The following ADCY1 variants were observed in gnomAD, a reference collection of about 807,000 sequenced individuals.
ADCY1 encodes the protein adenylate cyclase 1.
ADCY1 carries 28 observed loss-of-function variants against 105.4 expected under a neutral mutation model. The observed-to-expected ratio is 0.27, with a 90% CI of 0.20 to 0.36. The LOEUF (loss-of-function observed/expected upper bound fraction) is 0.36, where lower values mean the gene tolerates loss of function less well. Ranked by LOEUF, ADCY1 falls within the 10% of genes least tolerant of loss-of-function variation. The pLI is 1.00. For missense variants in ADCY1, 977 were observed against 1,434.2 expected, an observed-to-expected ratio of 0.68 and a Z score of 5.15; for synonymous variants, 655 against 623.8, an observed-to-expected ratio of 1.05 and a Z score of -0.75.
chr7:45,688,307 T>C (rs577922675), intron 14 of ADCY1, among the ~76,000 whole-genome samples: 66 of 152,322 alleles, frequency 4.3e-4, no homozygotes, highest in Non-Finnish European at 8.2e-4. Context: ...CTATTCCTGA[T>C]GTCGTTGGCC....
At chr7:45,689,633 A>G (rs1483082345) in intron 14 of ADCY1, among the ~76,000 whole-genome samples, 2 of 152,164 alleles carry the variant, frequency 1.3e-5, no homozygotes, top group Non-Finnish European at 2.9e-5. Context: ...CCCATCTCCA[A>G]CACTAGGATT....
chr7:45,689,405 G>A (rs1784745664), intron 14 of ADCY1, among the ~76,000 whole-genome samples: 1 of 152,126 alleles, frequency 6.6e-6, no homozygotes, highest in Admixed American at 6.5e-5. Context: ...ACCAGCATCT[G>A]CTTGGCTTCT....
intron 4 of ADCY1, among the ~76,000 whole-genome samples, chr7:45,637,170 A>G (rs1043693833): frequency 2.0e-5 from 3 of 152,322 alleles, no homozygotes; most frequent in African/African-American, 7.2e-5. Context: ...CTACCATCAC[A>G]TGATTTATTA....
chr7:45,577,136 G>C (rs1465237288), intron 1 of ADCY1, among the ~76,000 whole-genome samples: 1 of 152,116 alleles, frequency 6.6e-6, no homozygotes, highest in Non-Finnish European at 1.5e-5. Context: ...GCAGACATCT[G>C]GGTTTCCCTG....
intron 1 of ADCY1, among the ~76,000 whole-genome samples, chr7:45,576,836 A>C (rs984653743): frequency 4.6e-5 from 7 of 152,046 alleles, no homozygotes; most frequent in Non-Finnish European, 7.4e-5. Flanking sequence ...GTCCCTGGGC[A>C]GGCCCAGGGA....
At chr7:45,583,672 C>T (rs939087412) in intron 1 of ADCY1, among the ~76,000 whole-genome samples, 1 of 152,002 alleles carries the variant, frequency 6.6e-6, no homozygotes. Flanking sequence ...TGGAGTTTCG[C>T]TCTTGTTGCC....
chr7:45,710,030 C>T lies in ADCY1; in HGVS notation c.2933-498C>T, dbSNP rs1255613375. On this transcript the variant is annotated intron_variant, in intron 18 of 19. Transcript: ENST00000297323. The surrounding 1 kb of genome is among the most constrained non-coding windows in gnomAD (Gnocchi z 4.7). ...CTCCCTCTCCTCCCTTCAGAGCATT[C>T]TGCACCATCTTGCTTAGTTATGGGG... Among the ~76,000 whole-genome samples, 2 of 152,232 alleles carry T rather than the reference C, an allele frequency of 1.3e-5. No individual in the cohort carries two copies. The highest frequency in any genetic ancestry group is 2.9e-5 in the Non-Finnish European group (2 of 68,030).
chr7:45,709,521 T>G (rs1785184805), intron 18 of ADCY1, among the ~76,000 whole-genome samples: 1 of 152,134 alleles, frequency 6.6e-6, no homozygotes, highest in African/African-American at 2.4e-5. Context: ...ATCTGGGAAG[T>G]GGTCCTTTGG....
Position 45,717,782 on chromosome 7 carries a change from A to G in ADCY1, c.*3787A>G, listed in dbSNP as rs1268565272. On this transcript the variant is annotated 3_prime_UTR_variant, in exon 20 of 20. Transcript: ENST00000297323. Reference sequence around the variant, plus strand: ...CTGCGGGGTGTCTGTATCCTGCAGGAGGACGCCCCTACAGACCCAGCAACC... The same window carrying G: ...CTGCGGGGTGTCTGTATCCTGCAGGGGGACGCCCCTACAGACCCAGCAACC... The G allele has an allele frequency of 1.3e-5, 2 of 152,484 alleles. No individual in the cohort carries two copies. The highest frequency in any genetic ancestry group is 3.9e-4 in the East Asian group (2 of 5,190). The allele number at this position is 152,484 out of a possible 1,614,324, so 9.4% of individuals were successfully genotyped here.
rs1308127555 is a variant in ADCY1 at position 45,715,941 on chromosome 7, C to A, written c.*1946C>A. The A allele has an allele frequency of 1.3e-5, 2 of 152,748 alleles. No homozygotes were observed. The highest frequency in any genetic ancestry group is 3.8e-4 in the East Asian group (2 of 5,206). The allele number at this position is 152,748 out of a possible 1,614,324, so 9.5% of individuals were successfully genotyped here. A position where few individuals can be genotyped will look rare whatever the true frequency, so the allele number is the denominator to read the frequency against. ...CAGAGTGATTTTGACCAATGCCTTT[C>A]CAGCACCTTCCCCTGGTTATGACAG... is the stretch of plus-strand genomic sequence containing the variant. On this transcript the variant is annotated 3_prime_UTR_variant, in exon 20 of 20. Coordinates refer to ENST00000297323, the MANE Select transcript of ADCY1 (RefSeq NM_021116.4).
chr7:45,636,608 T>G (rs1794403874), intron 4 of ADCY1, among the ~76,000 whole-genome samples: 1 of 152,216 alleles, frequency 6.6e-6, no homozygotes, highest in African/African-American at 2.4e-5. Flanking sequence ...TGGCGCAATC[T>G]TGGCTCACTG....
chr7:45,702,457 C>T (rs758918733), intron 14 of ADCY1, among the ~76,000 whole-genome samples: 2 of 152,244 alleles, frequency 1.3e-5, no homozygotes, highest in Non-Finnish European at 2.9e-5. Context: ...TCCGCAAGGG[C>T]AATCATTGCA....
At chr7:45,693,670 G>A (rs1784824299) in intron 14 of ADCY1, among the ~76,000 whole-genome samples, 2 of 151,780 alleles carry the variant, frequency 1.3e-5, no homozygotes. Context: ...GCACACGTAT[G>A]TTTATTGCGG....
chr7:45,679,448 C>G (rs1035559595), intron 10 of ADCY1, among the ~76,000 whole-genome samples: 1 of 152,232 alleles, frequency 6.6e-6, no homozygotes, highest in Admixed American at 6.5e-5. Context: ...AGCTAGATCT[C>G]TGCGGTGGGG....
At chr7:45,691,878 C>T (rs1042268233) in intron 14 of ADCY1, among the ~76,000 whole-genome samples, 6 of 152,188 alleles carry the variant, frequency 3.9e-5, no homozygotes, top group South Asian at 4.1e-4. Context: ...CTTGTCTTCT[C>T]CACACATGTG....
chr7:45,614,920 C>T (rs1001102076), intron 3 of ADCY1, among the ~76,000 whole-genome samples: 4 of 152,122 alleles, frequency 2.6e-5, no homozygotes, highest in African/African-American at 9.7e-5. Flanking sequence ...GACCACAAAA[C>T]AATAATAATA....
intron 1 of ADCY1, among the ~76,000 whole-genome samples, chr7:45,580,240 T>G (rs913903383): frequency 6.6e-6 from 1 of 152,186 alleles, no homozygotes; most frequent in East Asian, 1.9e-4. Context: ...CCCTCCACAA[T>G]GTGCCCAGCA....
chr7:45,683,214 G>A (rs900904909), intron 11 of ADCY1, among the ~76,000 whole-genome samples: 4 of 152,122 alleles, frequency 2.6e-5, no homozygotes, highest in Non-Finnish European at 5.9e-5. Context: ...TCACCCACTT[G>A]GAGAGGTTTA....
intron 19 of ADCY1, among the ~76,000 whole-genome samples, chr7:45,713,183 G>A (rs1232755075): frequency 6.6e-6 from 1 of 152,196 alleles, no homozygotes; most frequent in Non-Finnish European, 1.5e-5. Flanking sequence ...CTGTTGAGGT[G>A]CCAAGAGTCC....
Sources: allele counts gnomAD v4.1 joint callset (sites outside exome capture counted in the v4.1 genomes callset), GRCh38; gene constraint gnomAD v4.1.1; non-coding constraint Gnocchi (gnomAD v3.1); transcripts MANE v1.5; gene names NCBI Gene and HGNC (gene_info 2026-07-23, HGNC 2026-07-21).